PRKD3: variants seen among roughly 807,000 people sequenced by gnomAD.
PRKD3 encodes the protein serine/threonine-protein kinase D3.
In PRKD3, 47 loss-of-function variants were observed where a neutral mutation model predicts 99.2. The ratio of observed to expected loss-of-function variants is 0.47; its 90% confidence interval spans 0.38 to 0.60. The LOEUF is 0.60. Ranked by LOEUF, PRKD3 falls within the 20% of genes least tolerant of loss-of-function variation. The pLI is 0.00. For missense variants in PRKD3, 1,019 were observed against 1,088.4 expected (o/e 0.94, Z 0.90); for synonymous variants, 392 against 355.4 (o/e 1.10, Z -1.16).
intron 12 of PRKD3, among the ~76,000 whole-genome samples, chr2:37,270,020 G>A (rs1669120705): frequency 6.6e-6 from 1 of 152,146 alleles, no homozygotes; most frequent in Non-Finnish European, 1.5e-5. Context: ...CTGAGGTTGT[G>A]TGTTCCAGAC....
chr2:37,272,266 A>C, intron 12 of PRKD3, 114 bp downstream of exon 12: 1 of 1,476,610 alleles, frequency 6.8e-7, no homozygotes, highest in Non-Finnish European at 9.0e-7. Flanking sequence ...TACCAACCGC[A>C]AAGTCTAGCC....
chr2:37,318,165 G>GT (rs1424394203), intron 1 of PRKD3, among the ~76,000 whole-genome samples: 2 of 151,972 alleles, frequency 1.3e-5, no homozygotes, highest in African/African-American at 2.4e-5. Context: ...TAGGAAGAAC[G>GT]TGACAGAAGG....
Position 37,307,124 on chromosome 2 carries a change from G to A in PRKD3, c.288+9113C>T, listed in dbSNP as rs116288504. 4.9e-3 allele frequency among the ~76,000 whole-genome samples: 753 copies of A among 152,306 alleles called. 8 individuals carry two copies. The highest frequency in any genetic ancestry group is 0.017 in the African/African-American group (689 of 41,554). ...AGATGCTGGAAGCCCCCCTGCTCCA[G>A]TTGTGCATCCAAAAACGTCTCCAGA... is the stretch of plus-strand genomic sequence containing the variant. On this transcript the variant is annotated intron_variant, in intron 2 of 18. Coordinates refer to ENST00000234179, the MANE Select transcript of PRKD3 (RefSeq NM_005813.6).
intron 2 of PRKD3, among the ~76,000 whole-genome samples, chr2:37,295,332 G>C (rs894846384): frequency 9.2e-5 from 14 of 152,110 alleles, no homozygotes; most frequent in African/African-American, 3.1e-4. Context: ...TGTTAACTGG[G>C]ACAGTGGAGT....
chr2:37,264,611 A>G (rs1167392503), intron 14 of PRKD3, among the ~76,000 whole-genome samples: 1 of 152,152 alleles, frequency 6.6e-6, no homozygotes, highest in African/African-American at 2.4e-5. Flanking sequence ...GAGACAAGGG[A>G]GTATGACATG....
chr2:37,257,003 C>G, intron 16 of PRKD3, 74 bp from the exon 17 acceptor site: 1 of 1,459,586 alleles, frequency 6.9e-7, no homozygotes, highest in Non-Finnish European at 9.5e-7. Context: ...AAATATAACA[C>G]TGTATGTATC....
chr2:37,259,364 G>A (rs2148491860), intron 16 of PRKD3, among the ~76,000 whole-genome samples: 1 of 152,324 alleles, frequency 6.6e-6, no homozygotes, highest in African/African-American at 2.4e-5. Flanking sequence ...CAGAATCTAT[G>A]TGCAGTTAAA....
In PRKD3 at chr2:37,316,835, A is replaced by C; in HGVS notation, c.-311T>G. The C allele has an allele frequency of 8.9e-7, 1 of 1,127,158 alleles. No individual in the cohort carries two copies. The highest frequency in any genetic ancestry group is 1.1e-6 in the Non-Finnish European group (1 of 920,394). The allele number at this position is 1,127,158 out of a possible 1,614,324, so 69.8% of individuals were successfully genotyped here. A position where few individuals can be genotyped will look rare whatever the true frequency, so the allele number is the denominator to read the frequency against. On this transcript the variant is annotated 5_prime_UTR_variant, in exon 2 of 19. Coordinates refer to ENST00000234179, the MANE Select transcript of PRKD3 (RefSeq NM_005813.6). ...CAGCAGGATAGAGTTGACGTAGCTT[A>C]TTTACGAATCTATTTTCCTTTCAGT...
chr2:37,291,114 G>T (rs1670400513), intron 3 of PRKD3, 115 bp from the exon 4 acceptor site: 2 of 946,256 alleles, frequency 2.1e-6, no homozygotes, highest in Non-Finnish European at 3.0e-6. Context: ...TCTGAAAGTT[G>T]CACTGGACCA....
At chr2:37,255,890 C>G (rs1012532236) in intron 17 of PRKD3, among the ~76,000 whole-genome samples, 4 of 152,140 alleles carry the variant, frequency 2.6e-5, no homozygotes, top group Admixed American at 6.5e-5. Flanking sequence ...GGTGCATACC[C>G]ATCATCCCAC....
At chr2:37,278,063 C>G (rs1426347946) in intron 8 of PRKD3, 74 bp from the exon 9 acceptor site, 104 of 1,308,392 alleles carry the variant, frequency 7.9e-5, no homozygotes, top group Non-Finnish European at 1.0e-4. Context: ...GAACATGAAG[C>G]CTTTTTAAAG....
At chr2:37,314,942 G>C (rs1018762541) in intron 2 of PRKD3, among the ~76,000 whole-genome samples, 7 of 152,060 alleles carry the variant, frequency 4.6e-5, no homozygotes, top group Non-Finnish European at 1.0e-4. Flanking sequence ...ACATGTACAA[G>C]TCATTGTTAA....
chr2:37,318,657 G>T (rs1476403071), intron 1 of PRKD3, among the ~76,000 whole-genome samples: 1 of 152,192 alleles, frequency 6.6e-6, no homozygotes, highest in Non-Finnish European at 1.5e-5. Flanking sequence ...CTGCAGAAAG[G>T]CATTGAGAAC....
intron 2 of PRKD3, among the ~76,000 whole-genome samples, chr2:37,312,811 T>C (rs1671494697): frequency 6.6e-6 from 1 of 152,210 alleles, no homozygotes; most frequent in Admixed American, 6.5e-5. Context: ...ATTTATTGGT[T>C]GACGAAAATG....
chr2:37,290,365 T>C (rs1670347958), intron 4 of PRKD3, among the ~76,000 whole-genome samples: 2 of 152,216 alleles, frequency 1.3e-5, no homozygotes, highest in Non-Finnish European at 2.9e-5. Flanking sequence ...CCCGAGTAGC[T>C]GGGATTACAG....
chr2:37,290,954 T>C lies in PRKD3; in HGVS notation c.473A>G (p.Tyr158Cys), dbSNP rs1489059832. The C allele has an allele frequency of 6.2e-7, 1 of 1,607,970 alleles. No homozygotes were observed. Among genetic ancestry groups the C allele is most frequent in the African/African-American group, 1.3e-5 (1 of 74,778 alleles). ...AGTAGGAGCTTTGTAAGAATGTACA[T>C]AGAGAGTATGTGGACGAATCTGGAA... ...EDFQIRPHTL[Y>C]VHSYKAPTFC... The change falls in exon 4 of 19, where the codon TAT becomes TGT. Residue 158 changes from tyrosine to cysteine, a missense_variant. Tyr to Cys is a radical substitution (Grantham distance 194, BLOSUM62 -2). This residue lies in a region of PRKD3 where 710 missense variants were observed against 692.7 expected (regional missense o/e 1.02). Coordinates refer to ENST00000234179, the MANE Select transcript of PRKD3 (RefSeq NM_005813.6).
chr2:37,305,520 G>A (rs765145899), intron 2 of PRKD3, among the ~76,000 whole-genome samples: 5 of 152,166 alleles, frequency 3.3e-5, no homozygotes, highest in African/African-American at 1.2e-4. Flanking sequence ...TTAGCAATAT[G>A]AAAGCAAAAA....
chr2:37,281,210 T>C (rs970474782), intron 7 of PRKD3, among the ~76,000 whole-genome samples: 13 of 152,186 alleles, frequency 8.5e-5, no homozygotes, highest in African/African-American at 3.1e-4. Context: ...TCACTAGTAA[T>C]CAAATGCACA....
At chr2:37,263,150 T>G (rs540001747) in intron 14 of PRKD3, among the ~76,000 whole-genome samples, 45 of 152,314 alleles carry the variant, frequency 3.0e-4, no homozygotes, top group African/African-American at 1.0e-3. Context: ...TTTCATTCTT[T>G]CTTGCTTAAT....
Sources: allele counts gnomAD v4.1 joint callset (sites outside exome capture counted in the v4.1 genomes callset), GRCh38; gene constraint gnomAD v4.1.1; regional missense constraint gnomAD v4.1.1; transcripts MANE v1.5; gene names NCBI Gene and HGNC (gene_info 2026-07-23, HGNC 2026-07-21).